Variants in PI15 observed in about 807,000 individuals in gnomAD.
The protein encoded by PI15 is peptidase inhibitor 15, also known as 25 kDa trypsin inhibitor.
A neutral mutation model predicts 31.0 loss-of-function variants in PI15; 18 were observed. The ratio of observed to expected loss-of-function variants is 0.58; its 90% confidence interval spans 0.40 to 0.86. PI15 has a LOEUF of 0.86. Ranked by LOEUF, PI15 falls within the 40% of genes least tolerant of loss-of-function variation. PI15 has a pLI of 0.00. For synonymous variants in PI15, 118 were observed against 119.1 expected, an observed-to-expected ratio of 0.99 and a Z score of 0.06; for missense variants, 282 against 328.1, an observed-to-expected ratio of 0.86 and a Z score of 1.09.
In PI15 at chr8:74,848,541, G is replaced by A. The variant is rs899437005; in HGVS notation, c.642-577G>A. Among the ~76,000 whole-genome samples the A allele has an allele frequency of 3.3e-5, 5 of 151,590 alleles. No individual in the cohort carries two copies. The East Asian group carries it at 9.7e-4, about 29-fold the overall frequency. Reference sequence around the variant, plus strand: ...AAAAGGAGTAAGTTTAAGGGAATATGGCCTGAGTATGTGCTCCAGAAATCT... The same window carrying A: ...AAAAGGAGTAAGTTTAAGGGAATATAGCCTGAGTATGTGCTCCAGAAATCT... On this transcript the variant is annotated intron_variant, in intron 5 of 5. Coordinates refer to ENST00000260113, the MANE Select transcript of PI15 (RefSeq NM_015886.5).
intron 2 of PI15, among the ~76,000 whole-genome samples, chr8:74,842,770 T>C (rs1810963528): frequency 6.6e-6 from 1 of 152,178 alleles, no homozygotes; most frequent in Non-Finnish European, 1.5e-5. Context: ...TCCTACGATA[T>C]TTTTCAATGA....
At chr8:74,835,679 C>T (rs1472724674) in intron 2 of PI15, among the ~76,000 whole-genome samples, 1 of 152,112 alleles carries the variant, frequency 6.6e-6, no homozygotes, top group Non-Finnish European at 1.5e-5. Context: ...AGGGAATGAA[C>T]CTTACTTGGG....
chr8:74,851,047 A>G lies in PI15; in HGVS notation c.*1794A>G, dbSNP rs1811097746. The G allele has an allele frequency of 6.6e-6, 1 of 152,598 alleles. No individual in the cohort carries two copies. The highest frequency in any genetic ancestry group is 2.4e-5 in the African/African-American group (1 of 41,436). The allele number at this position is 152,598 out of a possible 1,614,324, so 9.5% of individuals were successfully genotyped here. A position where few individuals can be genotyped will look rare whatever the true frequency, so the allele number is the denominator to read the frequency against. The stretch of plus-strand genomic sequence containing the variant: ...TGGTAAAGAAACTCACCATCTGGAG[A>G]TTGAGTCTACTTGTTAATGAATGAC... On this transcript the variant is annotated 3_prime_UTR_variant, in exon 6 of 6. Transcript: ENST00000260113.
intron 2 of PI15, among the ~76,000 whole-genome samples, chr8:74,834,314 A>G (rs1303421767): frequency 6.6e-6 from 1 of 152,168 alleles, no homozygotes; most frequent in African/African-American, 2.4e-5. Context: ...TTCATGTGGA[A>G]TCAAATCTTT....
intron 2 of PI15, among the ~76,000 whole-genome samples, chr8:74,825,730 G>C (rs1810689648): frequency 6.6e-6 from 1 of 151,958 alleles, no homozygotes; most frequent in South Asian, 2.1e-4. Context: ...GAGAGACAGA[G>C]ACAGACAGAT....
chr8:74,854,750 A>G lies in PI15; in HGVS notation c.*5497A>G, dbSNP rs1171586022. 1 of 152,132 alleles carries G rather than the reference A, an allele frequency of 6.6e-6. No homozygotes were observed. Among genetic ancestry groups the G allele is most frequent in the African/African-American group, 2.4e-5 (1 of 41,438 alleles). 9.4% of individuals were successfully genotyped at this position (152,132 alleles called of 1,614,324 possible). A position where few individuals can be genotyped will look rare whatever the true frequency, so the allele number is the denominator to read the frequency against. On this transcript the variant is annotated 3_prime_UTR_variant, in exon 6 of 6. Coordinates refer to ENST00000260113, the MANE Select transcript of PI15 (RefSeq NM_015886.5). ...AGAGAAGATTGTGATGCATATATAT[A>G]AACACTATTTTTAAAAAATATCTAA...
At position 74,843,990 on chromosome 8, in the gene PI15, G is replaced by GA. The variant is rs1563569065; in HGVS notation, c.287dup (p.Asn96LysfsTer49). 6.4e-7 allele frequency: 1 copy of GA among 1,565,982 alleles called. No homozygotes were observed. The highest frequency in any genetic ancestry group is 2.2e-5 in the East Asian group (1 of 44,630). ...TTTTTTTCCCCTACAGGTTTGGGAT[G>GA]AAAATCTTGCAAAATCGGCAGAGGC... On this transcript the variant is annotated frameshift_variant, in exon 3 of 6. Transcript: ENST00000260113. LOFTEE classifies it high-confidence loss of function.
chr8:74,838,567 C>A (rs562053078), intron 2 of PI15, among the ~76,000 whole-genome samples: 1 of 152,120 alleles, frequency 6.6e-6, no homozygotes, highest in South Asian at 2.1e-4. Context: ...CACCTCCCTC[C>A]CACCCCTCTC....
chr8:74,849,003 A>G lies in PI15; in HGVS notation c.642-115A>G, dbSNP rs544974555. The G allele has an allele frequency of 5.5e-5, 45 of 814,606 alleles. No individual in the cohort carries two copies. The African/African-American group carries it at 6.8e-4, about 12-fold the overall frequency. The allele number at this position is 814,606 out of a possible 1,614,324, so 50.5% of individuals were successfully genotyped here. A position where few individuals can be genotyped will look rare whatever the true frequency, so the allele number is the denominator to read the frequency against. On this transcript the variant is annotated intron_variant, in intron 5 of 5. Transcript: ENST00000260113. ...TAACTTTCAGTGACTTTCTAAAGCA[A>G]CTTCTCAAACGGATCATCACATGTC...
At chr8:74,847,347 A>AG (rs1307893134) in intron 5 of PI15, among the ~76,000 whole-genome samples, 1 of 151,946 alleles carries the variant, frequency 6.6e-6, no homozygotes, top group African/African-American at 2.4e-5. Flanking sequence ...CAGGAGGCTG[A>AG]GGCAAGATAA....
At chr8:74,835,251 G>A (rs1810846444) in intron 2 of PI15, among the ~76,000 whole-genome samples, 1 of 151,804 alleles carries the variant, frequency 6.6e-6, no homozygotes, top group Non-Finnish European at 1.5e-5. Flanking sequence ...CAATTCTCAC[G>A]TGTTACATTG....
chr8:74,832,551 T>G (rs916752854), intron 2 of PI15, among the ~76,000 whole-genome samples: 3 of 152,060 alleles, frequency 2.0e-5, no homozygotes, highest in Non-Finnish European at 4.4e-5. Context: ...GTGCCATGAA[T>G]TTAGTATTTA....
At chr8:74,832,041 C>A (rs182122622) in intron 2 of PI15, among the ~76,000 whole-genome samples, 10 of 152,186 alleles carry the variant, frequency 6.6e-5, no homozygotes, top group East Asian at 1.9e-4. Context: ...AGAAAAGATG[C>A]AGTCAAGAGG....
chr8:74,826,170 C>A, intron 2 of PI15: 1 of 224,676 alleles, frequency 4.5e-6, no homozygotes, highest in Non-Finnish European at 7.4e-6. Flanking sequence ...TAAAAATAGA[C>A]AATGTTTAAA....
chr8:74,825,607 G>T, intron 2 of PI15, 85 bp downstream of exon 2: 1 of 1,078,916 alleles, frequency 9.3e-7, no homozygotes, highest in Non-Finnish European at 1.3e-6. Flanking sequence ...ACGACCACGA[G>T]TGTTTATATG....
intron 2 of PI15, among the ~76,000 whole-genome samples, chr8:74,829,970 A>G (rs1324417588): frequency 6.6e-6 from 1 of 152,132 alleles, no homozygotes; most frequent in African/African-American, 2.4e-5. Context: ...CCTTACTCCA[A>G]AGGCAATTAG....
intron 2 of PI15, among the ~76,000 whole-genome samples, chr8:74,832,822 C>T (rs978001425): frequency 2.0e-5 from 3 of 152,078 alleles, no homozygotes; most frequent in Non-Finnish European, 2.9e-5. Flanking sequence ...ATGCCCAACA[C>T]GTTGCCCAAC....
intron 2 of PI15, among the ~76,000 whole-genome samples, chr8:74,832,052 C>A (rs1810789593): frequency 6.6e-6 from 1 of 152,044 alleles, no homozygotes. Flanking sequence ...AGTCAAGAGG[C>A]TGTTAGGATA....
intron 5 of PI15, 88 bp downstream of exon 5, chr8:74,845,585 G>GATACT: frequency 1.2e-6 from 1 of 803,944 alleles, no homozygotes; most frequent in Admixed American, 1.9e-5. Context: ...AGGTAAGTGA[G>GATACT]TAAGGCTTAG....
Sources: allele counts gnomAD v4.1 joint callset (sites outside exome capture counted in the v4.1 genomes callset), GRCh38; gene constraint gnomAD v4.1.1; transcripts MANE v1.5; gene names NCBI Gene and HGNC (gene_info 2026-07-23, HGNC 2026-07-21).